Variants in ANKMY1 observed in about 807,000 individuals in gnomAD.
The protein encoded by ANKMY1 is ankyrin repeat and MYND domain containing 1, also known as ankyrin repeat and MYND domain-containing protein 1.
In ANKMY1, 98 loss-of-function variants were observed where a neutral mutation model predicts 102.0. The ratio of observed to expected loss-of-function variants is 0.96; its 90% CI spans 0.82 to 1.14. ANKMY1 has a LOEUF of 1.14. Ranked by LOEUF, ANKMY1 falls within the 50% of genes most tolerant of loss-of-function variation. The pLI is 0.00. For synonymous variants in ANKMY1, 582 were observed against 559.9 expected (o/e 1.04, Z -0.56); for missense variants, 1,330 against 1,347.6 (o/e 0.99, Z 0.20).
upstream of ANKMY1, chr2:240,557,989 G>A (rs1325295979): frequency 6.1e-6 from 6 of 985,362 alleles, no homozygotes; most frequent in Non-Finnish European, 7.2e-6. Context: ...CTGCGCCTAC[G>A]GAGAGCGTCG....
At chr2:240,546,091 T>A (rs927236226) in intron 4 of ANKMY1, among the ~76,000 whole-genome samples, 2 of 151,760 alleles carry the variant, frequency 1.3e-5, no homozygotes, top group Admixed American at 1.3e-4. Flanking sequence ...AAGGAAAAAA[T>A]GTTAAGGGCA....
chr2:240,500,357 G>T, intron 14 of ANKMY1, 95 bp downstream of exon 14: 1 of 1,350,226 alleles, frequency 7.4e-7, no homozygotes, highest in Non-Finnish European at 1.0e-6. Context: ...GGAACCTTGA[G>T]CCCAGCTTTG....
upstream of ANKMY1, chr2:240,560,870 C>T: frequency 7.2e-7 from 1 of 1,390,990 alleles, no homozygotes. Flanking sequence ...GCGCGCCCGG[C>T]GTGGCAGAGC....
rs553643834 is a variant in ANKMY1, at chr2:240,534,681, T to C, written c.481-5172A>G. ...TTCAAAAGTTTGACTCTTCTAACAATATGGTCTCAAAATAAATAAAGCAAA... is the reference window on the plus strand; with the variant it reads ...TTCAAAAGTTTGACTCTTCTAACAACATGGTCTCAAAATAAATAAAGCAAA... On this transcript the variant is annotated intron_variant, in intron 4 of 17. Coordinates refer to ENST00000401804, the MANE Select transcript of ANKMY1 (RefSeq NM_001282771.3). 2.0e-5 allele frequency among the ~76,000 whole-genome samples: 3 copies of C among 152,328 alleles called. No individual in the cohort carries two copies. The South Asian group carries it at 6.2e-4, about 32-fold the overall frequency.
At chr2:240,553,448 T>C (rs1030567329) in intron 3 of ANKMY1, 9 of 234,210 alleles carry the variant, frequency 3.8e-5, no homozygotes, top group Admixed American at 2.0e-4. Context: ...GGTGACAGGC[T>C]GGCCCTGGAA....
chr2:240,557,644 G>C (rs2092526441), intron 1 of ANKMY1, among the ~76,000 whole-genome samples: 1 of 152,206 alleles, frequency 6.6e-6, no homozygotes, highest in South Asian at 2.1e-4. Context: ...GGCCAGGCCC[G>C]CACCCACTAT....
At chr2:240,471,039 C>G in the ANKMY1 span, among the ~76,000 whole-genome samples, 1 of 151,932 alleles carries the variant, frequency 6.6e-6, no homozygotes, top group Admixed American at 6.6e-5. Flanking sequence ...ACCTGGAAAC[C>G]GCAAAGAAAC....
In ANKMY1 at chr2:240,521,491, C is replaced by CTTTT. The variant is rs1162330484; in HGVS notation, c.1833-962_1833-959dup. Among the ~76,000 whole-genome samples, 56 of 69,628 alleles carry CTTTT rather than the reference C, an allele frequency of 8.0e-4. 6 individuals carry two copies. The highest frequency in any genetic ancestry group is 9.5e-4 in the Non-Finnish European group (36 of 37,760). The allele number at this position is 69,628 out of a possible 152,430, so 45.7% of individuals were successfully genotyped here. A position where few individuals can be genotyped will look rare whatever the true frequency, so the allele number is the denominator to read the frequency against. ...AGTCGCGGAACTCGCGGTGTTACAG[C>CTTTT]TTTTTTTTTTTTTTTTTTTTTTTTT... On this transcript the variant is annotated intron_variant, in intron 8 of 17. Transcript: ENST00000401804.
intron 15 of ANKMY1, among the ~76,000 whole-genome samples, chr2:240,487,021 AT>A (rs1315772604): frequency 6.6e-6 from 1 of 152,208 alleles, no homozygotes; most frequent in African/African-American, 2.4e-5. Context: ...AATAAAATAC[AT>A]TTTTGTTAAG....
chr2:240,513,903 G>A (rs1341214180), intron 9 of ANKMY1, among the ~76,000 whole-genome samples: 5 of 152,262 alleles, frequency 3.3e-5, no homozygotes, highest in African/African-American at 7.2e-5. Context: ...GGCATCGCCT[G>A]ATGTTGGGGA....
chr2:240,513,646 G>C (rs932187052), intron 9 of ANKMY1, among the ~76,000 whole-genome samples: 8 of 152,266 alleles, frequency 5.3e-5, no homozygotes, highest in Non-Finnish European at 8.8e-5. Context: ...AACTTGGGGA[G>C]AGCAGCCGGG....
chr2:240,514,287 C>T (rs2080800714), intron 9 of ANKMY1, among the ~76,000 whole-genome samples: 1 of 152,154 alleles, frequency 6.6e-6, no homozygotes, highest in Non-Finnish European at 1.5e-5. Flanking sequence ...CAGGTAGGAG[C>T]TCCAGGCCAG....
rs77736634 is a variant in ANKMY1 at position 240,551,563 on chromosome 2, A to G, written c.480+1351T>C. ...TCAGGGCACCAGGAAACTGAAGCTT[A>G]TTTTGCAAGTAGGTTGTCCTACTGT... On this transcript the variant is annotated intron_variant, in intron 4 of 17. Coordinates refer to ENST00000401804, the MANE Select transcript of ANKMY1 (RefSeq NM_001282771.3). 7.3e-3 allele frequency among the ~76,000 whole-genome samples: 1,117 copies of G among 152,292 alleles called. 14 individuals are homozygous for G. Among genetic ancestry groups the G allele is most frequent in the East Asian group, 0.03 (156 of 5,178 alleles).
chr2:240,519,668 G>T (rs2081809861), intron 9 of ANKMY1: 1 of 158,652 alleles, frequency 6.3e-6, no homozygotes, highest in African/African-American at 2.4e-5. Context: ...ACTGCCCAGG[G>T]GGACAGGTGG....
At chr2:240,539,307 C>T (rs993912387) in intron 4 of ANKMY1, among the ~76,000 whole-genome samples, 1 of 150,810 alleles carries the variant, frequency 6.6e-6, no homozygotes, top group East Asian at 1.9e-4. Flanking sequence ...ACCAGAGGAA[C>T]GAACAACTCC....
chr2:240,556,153 C>T (rs536945638), intron 2 of ANKMY1, among the ~76,000 whole-genome samples: 32 of 152,192 alleles, frequency 2.1e-4, no homozygotes, highest in Non-Finnish European at 3.8e-4. Context: ...ACCACCCCAT[C>T]TAAACCCAGC....
At chr2:240,542,956 ATAAT>A (rs2089374380) in intron 4 of ANKMY1, among the ~76,000 whole-genome samples, 2 of 151,076 alleles carry the variant, frequency 1.3e-5, no homozygotes, top group South Asian at 4.1e-4. Flanking sequence ...TAATAAAAAT[ATAAT>A]TAATAATTAG....
rs1027770758 is a variant in ANKMY1, at chr2:240,520,159, T to C, written c.2004+203A>G. 3.6e-6 allele frequency: 3 copies of C among 832,236 alleles called. No homozygotes were observed. Among genetic ancestry groups the C allele is most frequent in the African/African-American group, 1.7e-5 (1 of 59,358 alleles). The allele number at this position is 832,236 out of a possible 1,614,324, so 51.6% of individuals were successfully genotyped here. ...TGAAGTACTCTAAAAACTAGCTCGG[T>C]GTCCAAATCCTGTCTGGGGACATGG... is the stretch of plus-strand genomic sequence containing the variant. On this transcript the variant is annotated intron_variant, in intron 9 of 17. Transcript: ENST00000401804. This position sits in a 1 kb window ranked among gnomAD's most constrained non-coding sequence, Gnocchi z 4.8.
intron 15 of ANKMY1, among the ~76,000 whole-genome samples, chr2:240,488,031 A>G (rs1206639731): frequency 6.6e-6 from 1 of 152,162 alleles, no homozygotes; most frequent in East Asian, 1.9e-4. Context: ...TTGAAGTCTT[A>G]GTCATACCTT....
Sources: allele counts gnomAD v4.1 joint callset (sites outside exome capture counted in the v4.1 genomes callset), GRCh38; gene constraint gnomAD v4.1.1; non-coding constraint Gnocchi (gnomAD v3.1); transcripts MANE v1.5; gene names NCBI Gene and HGNC (gene_info 2026-07-23, HGNC 2026-07-21).